PAK2: variants seen among roughly 807,000 people sequenced by gnomAD.
The protein encoded by PAK2 is serine/threonine-protein kinase PAK 2.
A neutral mutation model predicts 65.9 loss-of-function variants in PAK2; 21 were observed. That is an observed-to-expected ratio of 0.32 (90% CI 0.23 to 0.46). PAK2 has a LOEUF of 0.46. Ranked by LOEUF, PAK2 falls within the 20% of genes least tolerant of loss-of-function variation. The pLI is 1.00. For missense variants in PAK2, 324 were observed against 642.6 expected (o/e 0.50, Z 5.36); for synonymous variants, 204 against 219.7 (o/e 0.93, Z 0.63).
At chr3:196,768,881 G>A (rs941298668) in intron 1 of PAK2, among the ~76,000 whole-genome samples, 1 of 151,740 alleles carries the variant, frequency 6.6e-6, no homozygotes, top group African/African-American at 2.4e-5. Context: ...GCCCAGGATG[G>A]CCTCGAACTC....
intron 2 of PAK2, among the ~76,000 whole-genome samples, chr3:196,789,523 C>T (rs953320439): frequency 1.1e-4 from 16 of 150,982 alleles, no homozygotes; most frequent in African/African-American, 2.0e-4. Flanking sequence ...AATGCAATGG[C>T]GTGGTCTCAG....
intron 8 of PAK2, among the ~76,000 whole-genome samples, chr3:196,811,751 G>C (rs1044100853): frequency 6.6e-6 from 1 of 152,008 alleles, no homozygotes; most frequent in Non-Finnish European, 1.5e-5. Flanking sequence ...ATTAGACAAA[G>C]TATATTTTAT....
chr3:196,812,805 G>C lies in PAK2; in HGVS notation c.889G>C (p.Val297Leu). ...GGAACTGATCATTAACGAGATTCTG[G>C]TGATGAAAGAATTGAAAAATCCCAA... ...KKELIINEIL[V>L]MKELKNPNIV... Residue 297 changes from valine (V) to leucine (L), a missense_variant, in exon 10 of 15, where the codon GTG (valine) becomes CTG (leucine). Around this residue, in one of 5 missense-constraint regions of PAK2, gnomAD observed 183 missense variants for 246.2 expected, o/e 0.74. Coordinates refer to ENST00000327134, the MANE Select transcript of PAK2 (RefSeq NM_002577.4). 6.3e-7 allele frequency: 1 copy of C among 1,580,190 alleles called. No individual in the cohort carries two copies. The highest frequency in any genetic ancestry group is 8.7e-7 in the Non-Finnish European group (1 of 1,149,810).
Position 196,820,829 on chromosome 3 carries a change from T to G in PAK2, c.1350+262T>G, listed in dbSNP as rs1711620938. 6.6e-6 allele frequency among the ~76,000 whole-genome samples: 1 copy of G among 152,076 alleles called. No homozygotes were observed. Among genetic ancestry groups the G allele is most frequent in the African/African-American group, 2.4e-5 (1 of 41,406 alleles). ...GTTTGGAGCACCTGTCTCTAAAGCT[T>G]CTCCTTCTTTTATTTTTTAAGATGT... On this transcript the variant is annotated intron_variant, in intron 13 of 14. Transcript: ENST00000327134. The surrounding 1 kb of genome is among the most constrained non-coding windows in gnomAD (Gnocchi z 4.6).
At chr3:196,751,243 A>G (rs1329002321) in intron 1 of PAK2, among the ~76,000 whole-genome samples, 2 of 152,194 alleles carry the variant, frequency 1.3e-5, no homozygotes, top group Non-Finnish European at 2.9e-5. Flanking sequence ...CTGAAAATCC[A>G]AAATCCGAAA....
intron 2 of PAK2, among the ~76,000 whole-genome samples, chr3:196,798,263 TGA>T (rs1362277399): frequency 1.3e-5 from 2 of 151,946 alleles, no homozygotes; most frequent in Non-Finnish European, 2.9e-5. Flanking sequence ...ATATTGAGAA[TGA>T]GAGAGGTGGT....
intron 13 of PAK2, among the ~76,000 whole-genome samples, chr3:196,824,258 TACA>T (rs1193118214): frequency 5.3e-5 from 8 of 152,112 alleles, no homozygotes; most frequent in African/African-American, 7.2e-5. Context: ...GTCATTCAAA[TACA>T]ACAAGATTTT....
Position 196,820,649 on chromosome 3 carries a change from C to T in PAK2, c.1350+82C>T. 2.9e-6 allele frequency: 2 copies of T among 698,546 alleles called. No homozygotes were observed. The highest frequency in any genetic ancestry group is 4.7e-6 in the Non-Finnish European group (2 of 429,480). The allele number at this position is 698,546 out of a possible 1,614,324, so 43.3% of individuals were successfully genotyped here. On this transcript the variant is annotated intron_variant, in intron 13 of 14. Transcript: ENST00000327134. The surrounding 1 kb of genome is among the most constrained non-coding windows in gnomAD (Gnocchi z 4.6). ...GAACTTGCACGTGCCTGGCACTGTC[C>T]AAGAATTTAAAGTAGAAGGTTGATA...
At chr3:196,787,284 A>G (rs1195341744) in intron 2 of PAK2, among the ~76,000 whole-genome samples, 1 of 151,818 alleles carries the variant, frequency 6.6e-6, no homozygotes, top group East Asian at 2.0e-4. Flanking sequence ...TTTGATTAGA[A>G]TTGTATAGAC....
At chr3:196,817,265 A>G (rs1711510626) in intron 11 of PAK2, among the ~76,000 whole-genome samples, 1 of 148,188 alleles carries the variant, frequency 6.7e-6, no homozygotes, top group Non-Finnish European at 1.5e-5. Flanking sequence ...CCTGGATTCA[A>G]GGGATTCTCC....
At chr3:196,826,412 C>T (rs1404912960) in intron 13 of PAK2, among the ~76,000 whole-genome samples, 4 of 151,084 alleles carry the variant, frequency 2.6e-5, no homozygotes, top group African/African-American at 4.9e-5. Context: ...GACCTCGTGA[C>T]CGGCCCGCCT....
chr3:196,769,530 G>A (rs114278864), intron 1 of PAK2, among the ~76,000 whole-genome samples: 8,520 of 151,620 alleles, frequency 0.056, 412 homozygotes, highest in African/African-American at 0.11. Context: ...TCCGCATCCC[G>A]GCCAGGCGTG....
chr3:196,808,105 G>A, intron 7 of PAK2, 191 bp downstream of exon 7: 1 of 478,988 alleles, frequency 2.1e-6, no homozygotes. Flanking sequence ...CCAGCACTAG[G>A]TCAGGAGATC....
chr3:196,823,817 A>AG (rs1711734679), intron 13 of PAK2, among the ~76,000 whole-genome samples: 1 of 151,646 alleles, frequency 6.6e-6, no homozygotes, highest in Non-Finnish European at 1.5e-5. Flanking sequence ...GTCGCAAAAA[A>AG]AAAAAAAAAG....
chr3:196,754,206 G>A (rs1713698784), intron 1 of PAK2, among the ~76,000 whole-genome samples: 1 of 152,122 alleles, frequency 6.6e-6, no homozygotes, highest in Admixed American at 6.6e-5. Flanking sequence ...GTGACTGGAA[G>A]TTCCTGAAGT....
intron 1 of PAK2, among the ~76,000 whole-genome samples, chr3:196,780,529 C>T (rs759228437): frequency 3.3e-5 from 5 of 152,110 alleles, no homozygotes; most frequent in African/African-American, 4.8e-5. Flanking sequence ...AAAGACTTGC[C>T]CTCATAATTC....
At chr3:196,783,579 CAAA>C (rs11417269) in intron 2 of PAK2, among the ~76,000 whole-genome samples, 4 of 114,872 alleles carry the variant, frequency 3.5e-5, no homozygotes, top group Non-Finnish European at 3.6e-5. Flanking sequence ...GAGACTCTCT[CAAA>C]AAAAAAAAAA....
intron 1 of PAK2, among the ~76,000 whole-genome samples, chr3:196,778,210 TGCA>T (rs1259601886): frequency 2.0e-5 from 3 of 152,250 alleles, no homozygotes; most frequent in African/African-American, 7.2e-5. Context: ...TCATCCATGT[TGCA>T]GCGTGTATCG....
chr3:196,796,325 C>T (rs566014343), intron 2 of PAK2, among the ~76,000 whole-genome samples: 1 of 152,246 alleles, frequency 6.6e-6, no homozygotes, highest in African/African-American at 2.4e-5. Flanking sequence ...AAAAGTCATT[C>T]GCAAAAGACT....
Sources: gnomAD v4.1 joint callset for allele counts (sites outside exome capture counted in the v4.1 genomes callset) on GRCh38, gnomAD v4.1.1 for gene constraint, gnomAD v4.1.1 regional missense constraint, Gnocchi (gnomAD v3.1) non-coding constraint, MANE v1.5 for transcripts, NCBI Gene and HGNC (gene_info 2026-07-23, HGNC 2026-07-21) for gene names.